The following CACNB4 variants were observed in gnomAD, a reference collection of about 807,000 sequenced individuals.
The protein encoded by CACNB4 is voltage-dependent L-type calcium channel subunit beta-4.
Under a neutral mutation model 71.2 loss-of-function variants are expected in CACNB4, and 32 were observed. That is an observed-to-expected ratio of 0.45 (90% CI 0.34 to 0.60). The LOEUF is 0.60. Among genes scored for constraint, CACNB4 ranks in the 20% least tolerant of loss-of-function variants. CACNB4 has a pLI of 0.01. For synonymous variants in CACNB4, 231 were observed against 236.9 expected (o/e 0.97, Z 0.23); for missense variants, 464 against 647.9 (o/e 0.72, Z 3.08).
chr2:152,061,258 G>A (rs920171704), intron 2 of CACNB4, among the ~76,000 whole-genome samples: 5 of 152,086 alleles, frequency 3.3e-5, no homozygotes, highest in Admixed American at 2.0e-4. Context: ...GTTGCTGTGA[G>A]CTATGATCGT....
intron 2 of CACNB4, among the ~76,000 whole-genome samples, chr2:152,065,436 G>T (rs1338858894): frequency 6.6e-6 from 1 of 151,654 alleles, no homozygotes; most frequent in Non-Finnish European, 1.5e-5. Context: ...TTTCCCCAGG[G>T]AACTTCACTT....
chr2:152,045,452 T>C lies in CACNB4; in HGVS notation c.147+52878A>G, dbSNP rs559647847. 1.9e-4 allele frequency among the ~76,000 whole-genome samples: 29 copies of C among 152,312 alleles called. No individual in the cohort carries two copies. In the South Asian group the frequency reaches 5.4e-3, roughly 28 times the overall value. ...GACAAATATTGTGTGATTCCATTTA[T>C]ATGAGCTACCTACAGTAGTCAAATT... is the stretch of plus-strand genomic sequence containing the variant. On this transcript the variant is annotated intron_variant, in intron 2 of 13. Coordinates refer to ENST00000539935, the MANE Select transcript of CACNB4 (RefSeq NM_000726.5).
intron 6 of CACNB4, chr2:151,871,172 C>T (rs551805454): frequency 4.9e-6 from 2 of 409,812 alleles, no homozygotes; most frequent in Non-Finnish European, 8.7e-6. Context: ...ATGGGTTGTT[C>T]CCGTGCTGGA....
chr2:151,910,950 T>C (rs1275647599), intron 2 of CACNB4, among the ~76,000 whole-genome samples: 1 of 152,228 alleles, frequency 6.6e-6, no homozygotes, highest in Non-Finnish European at 1.5e-5. Flanking sequence ...GTTTTTCCAT[T>C]TGTTTGTGTT....
intron 2 of CACNB4, among the ~76,000 whole-genome samples, chr2:151,999,142 A>C (rs80056271): frequency 0.048 from 7,335 of 152,076 alleles, 480 homozygotes; most frequent in Admixed American, 0.19. Context: ...CAGACAATCA[A>C]TCACTCACTC....
At chr2:151,941,584 G>A (rs536047922) in intron 2 of CACNB4, among the ~76,000 whole-genome samples, 50 of 150,508 alleles carry the variant, frequency 3.3e-4, no homozygotes, top group African/African-American at 1.1e-3. Context: ...GCCCAACTTC[G>A]TCTCAATTTT....
At chr2:151,945,034 G>T (rs547861898) in intron 2 of CACNB4, among the ~76,000 whole-genome samples, 2 of 152,278 alleles carry the variant, frequency 1.3e-5, no homozygotes, top group East Asian at 3.9e-4. Context: ...TGGGGTAGGG[G>T]TGTAAGCTTC....
Position 151,841,788 on chromosome 2 carries a change from T to C in CACNB4, c.1302+115A>G, listed in dbSNP as rs2099836293. 8.2e-6 allele frequency: 7 copies of C among 850,244 alleles called. No individual in the cohort carries two copies. The South Asian group carries it at 9.3e-5, about 11-fold the overall frequency. 52.7% of individuals were successfully genotyped at this position (850,244 alleles called of 1,614,324 possible). On this transcript the variant is annotated intron_variant, in intron 13 of 13. Coordinates refer to ENST00000539935, the MANE Select transcript of CACNB4 (RefSeq NM_000726.5). ...ATATTTAAGATTTTTAAATATAATG[T>C]GCACATAGTGTTCCCTCTTCAGATT... is the stretch of plus-strand genomic sequence containing the variant.
intron 2 of CACNB4, among the ~76,000 whole-genome samples, chr2:151,917,599 G>A (rs765483506): frequency 5.9e-5 from 9 of 152,156 alleles, no homozygotes; most frequent in South Asian, 4.1e-4. Context: ...CACTTTGGGA[G>A]GCTGAGGCAG....
intron 2 of CACNB4, among the ~76,000 whole-genome samples, chr2:152,029,493 CAAAA>C (rs4036226): frequency 0.064 from 6,959 of 108,310 alleles, 238 homozygotes; most frequent in Middle Eastern, 0.096. Flanking sequence ...GACTCGATCT[CAAAA>C]AAAAAAAAAA....
intron 2 of CACNB4, among the ~76,000 whole-genome samples, chr2:152,033,589 C>T (rs965180774): frequency 6.6e-6 from 1 of 152,164 alleles, no homozygotes; most frequent in Non-Finnish European, 1.5e-5. Context: ...AGGAAACCGG[C>T]ACCCAAACCT....
chr2:151,998,065 G>A (rs1467392276), intron 2 of CACNB4, among the ~76,000 whole-genome samples: 1 of 152,308 alleles, frequency 6.6e-6, no homozygotes. Context: ...GCTCATGTCT[G>A]TAATCCCAGC....
intron 2 of CACNB4, among the ~76,000 whole-genome samples, chr2:152,067,396 G>A (rs988880688): frequency 6.6e-6 from 1 of 150,814 alleles, no homozygotes; most frequent in South Asian, 2.1e-4. Flanking sequence ...TGTGGGGGGG[G>A]GGGTGCCTCT....
chr2:152,006,967 C>T (rs1321713418), intron 2 of CACNB4, among the ~76,000 whole-genome samples: 2 of 152,130 alleles, frequency 1.3e-5, no homozygotes, highest in Admixed American at 1.3e-4. Context: ...AAGTAATCTT[C>T]CCTTTCTCAG....
At chr2:152,094,723 T>C (rs1688172997) in intron 2 of CACNB4, among the ~76,000 whole-genome samples, 1 of 152,242 alleles carries the variant, frequency 6.6e-6, no homozygotes, top group Non-Finnish European at 1.5e-5. Context: ...GTCTCATCCA[T>C]CTTTTCATTC....
chr2:152,051,787 TC>T (rs983571297), intron 2 of CACNB4, among the ~76,000 whole-genome samples: 3 of 152,158 alleles, frequency 2.0e-5, no homozygotes, highest in South Asian at 2.1e-4. Context: ...ACAACTCTGT[TC>T]CCTTTACCAG....
Position 152,088,560 on chromosome 2 carries a change from C to T in CACNB4, c.147+9770G>A, listed in dbSNP as rs534697224. 1.6e-4 allele frequency among the ~76,000 whole-genome samples: 24 copies of T among 152,324 alleles called. 1 individual carries two copies. Among genetic ancestry groups the T allele is most frequent in the Middle Eastern group, 6.8e-3 (2 of 294 alleles). ...TTTACTCCCAAAACAAATACTACAA[C>T]AGCAATTAAACTGCAACCTTGGAGA... On this transcript the variant is annotated intron_variant, in intron 2 of 13. Transcript: ENST00000539935.
chr2:152,073,424 A>G (rs2105380686), intron 2 of CACNB4, among the ~76,000 whole-genome samples: 1 of 152,270 alleles, frequency 6.6e-6, no homozygotes, highest in South Asian at 2.1e-4. Context: ...GCTCAATGCC[A>G]TTCGCCTGTG....
Position 152,029,493 on chromosome 2 carries a change from C to CA in CACNB4, c.147+68836dup, listed in dbSNP as rs4036226. Among the ~76,000 whole-genome samples, 365 of 108,818 alleles carry CA rather than the reference C, an allele frequency of 3.4e-3. 2 individuals carry two copies. Among genetic ancestry groups the CA allele is most frequent in the African/African-American group, 0.011 (339 of 30,476 alleles). 71.4% of individuals were successfully genotyped at this position (108,818 alleles called of 152,430 possible). A position where few individuals can be genotyped will look rare whatever the true frequency, so the allele number is the denominator to read the frequency against. ...TGGGCAACAGAGCGAGACTCGATCT[C>CA]AAAAAAAAAAAAAAAAAAGAAAAGA... On this transcript the variant is annotated intron_variant, in intron 2 of 13. Coordinates refer to ENST00000539935, the MANE Select transcript of CACNB4 (RefSeq NM_000726.5).
Sources: allele counts gnomAD v4.1 joint callset (sites outside exome capture counted in the v4.1 genomes callset), GRCh38; gene constraint gnomAD v4.1.1; transcripts MANE v1.5; gene names NCBI Gene and HGNC (gene_info 2026-07-23, HGNC 2026-07-21).